Variants in DSCAM observed in about 807,000 individuals in gnomAD.
DSCAM encodes the protein DS cell adhesion molecule, also known as cell adhesion molecule DSCAM.
DSCAM carries 47 observed loss-of-function variants against 217.7 expected under a neutral mutation model. The ratio of observed to expected loss-of-function variants is 0.22; its 90% CI spans 0.17 to 0.28. The LOEUF (loss-of-function observed/expected upper bound fraction) is 0.28. Ranked by LOEUF, DSCAM falls within the 10% of genes least tolerant of loss-of-function variation. The pLI is 1.00. For missense variants in DSCAM, 2,080 were observed against 2,618.3 expected, an observed-to-expected ratio of 0.79 and a Z score of 4.49; for synonymous variants, 1,056 against 1,015.3, an observed-to-expected ratio of 1.04 and a Z score of -0.76.
At chr21:40,213,034 G>T (rs2091200857) in intron 11 of DSCAM, among the ~76,000 whole-genome samples, 1 of 152,182 alleles carries the variant, frequency 6.6e-6, no homozygotes, top group Non-Finnish European at 1.5e-5. Flanking sequence ...CAGCCCTGCT[G>T]ACTTCTTGAT....
intron 3 of DSCAM, among the ~76,000 whole-genome samples, chr21:40,371,061 G>A (rs535958890): frequency 1.3e-5 from 2 of 152,048 alleles, no homozygotes; most frequent in Non-Finnish European, 2.9e-5. Context: ...TCAAAGGAGC[G>A]CAAATTAATT....
chr21:40,421,365 G>T (rs1490972195), intron 3 of DSCAM, among the ~76,000 whole-genome samples: 1 of 152,224 alleles, frequency 6.6e-6, no homozygotes, highest in African/African-American at 2.4e-5. Flanking sequence ...CTGACCTTCG[G>T]TAAGCATAGT....
At chr21:40,122,229 G>A (rs114352850) in intron 20 of DSCAM, among the ~76,000 whole-genome samples, 131 of 152,254 alleles carry the variant, frequency 8.6e-4, no homozygotes, top group African/African-American at 2.6e-3. Flanking sequence ...ACAAATAGGG[G>A]CTTTCTCAGT....
chr21:40,151,313 T>C (rs942889737), intron 16 of DSCAM, among the ~76,000 whole-genome samples: 1 of 152,254 alleles, frequency 6.6e-6, no homozygotes, highest in Admixed American at 6.5e-5. Flanking sequence ...ACCAGGGCTC[T>C]TCCCTAGACC....
chr21:40,821,418 C>T (rs574959433), intron 1 of DSCAM, among the ~76,000 whole-genome samples: 23 of 150,854 alleles, frequency 1.5e-4, no homozygotes, highest in African/African-American at 5.4e-4. Flanking sequence ...CACACACACA[C>T]CCCACAGCAG....
chr21:40,434,233 C>T (rs912936739), intron 3 of DSCAM, among the ~76,000 whole-genome samples: 3 of 152,168 alleles, frequency 2.0e-5, no homozygotes, highest in African/African-American at 4.8e-5. Context: ...GGACAGGATA[C>T]GTTTAACCCT....
intron 8 of DSCAM, among the ~76,000 whole-genome samples, chr21:40,313,236 A>G (rs531616358): frequency 9.8e-5 from 15 of 152,302 alleles, no homozygotes; most frequent in Admixed American, 5.9e-4. Context: ...GAATAACTAC[A>G]TCTTTACTTT....
chr21:40,720,100 G>A (rs1173436921), intron 1 of DSCAM, among the ~76,000 whole-genome samples: 1 of 152,180 alleles, frequency 6.6e-6, no homozygotes, highest in Non-Finnish European at 1.5e-5. Context: ...CAGAAAACAT[G>A]AGAACTAAAA....
At position 40,740,727 on chromosome 21, in the gene DSCAM, GAGGAGGACTC is replaced by G. The variant is rs144035224; in HGVS notation, c.44-31966_44-31957del. 3.2e-3 allele frequency among the ~76,000 whole-genome samples: 483 copies of G among 152,304 alleles called. 3 individuals carry two copies. Among genetic ancestry groups the G allele is most frequent in the African/African-American group, 0.011 (469 of 41,568 alleles). ...GAGGTGGTAGACACACTGGGGCTGA[GAGGAGGACTC>G]AGAAGGACAGGGAGGATGGCAAGTG... On this transcript the variant is annotated intron_variant, in intron 1 of 32. Coordinates refer to ENST00000400454, the MANE Select transcript of DSCAM (RefSeq NM_001389.5).
At chr21:40,388,724 A>G (rs1159136309) in intron 3 of DSCAM, among the ~76,000 whole-genome samples, 4 of 152,202 alleles carry the variant, frequency 2.6e-5, no homozygotes, top group African/African-American at 9.7e-5. Flanking sequence ...CACATTCTGG[A>G]AAGTGTGTTC....
At position 40,101,481 on chromosome 21, in the gene DSCAM, C is replaced by T. The variant is rs554242267; in HGVS notation, c.3697-7607G>A. On this transcript the variant is annotated intron_variant, in intron 20 of 32. Coordinates refer to ENST00000400454, the MANE Select transcript of DSCAM (RefSeq NM_001389.5). ...GTTTTTTTTTTCACAGATGGATGGA[C>T]GTGGTAGGATGGGATGGTCTTGGGA... 3.3e-5 allele frequency among the ~76,000 whole-genome samples: 5 copies of T among 151,788 alleles called. No homozygotes were observed. The East Asian group carries it at 5.8e-4, about 18-fold the overall frequency.
At chr21:40,522,601 C>T (rs981838275) in intron 3 of DSCAM, among the ~76,000 whole-genome samples, 1 of 152,122 alleles carries the variant, frequency 6.6e-6, no homozygotes, top group Admixed American at 6.5e-5. Context: ...GTTCATGAAT[C>T]CTTGCTGATG....
intron 1 of DSCAM, among the ~76,000 whole-genome samples, chr21:40,837,095 G>C (rs1239361820): frequency 1.3e-5 from 2 of 152,238 alleles, no homozygotes; most frequent in Admixed American, 1.3e-4. Flanking sequence ...TGTTCAGCTT[G>C]AAGTGTCAAC....
intron 1 of DSCAM, among the ~76,000 whole-genome samples, chr21:40,792,081 G>T (rs542820952): frequency 6.6e-6 from 1 of 150,588 alleles, no homozygotes; most frequent in African/African-American, 2.5e-5. Flanking sequence ...TCCTCCGCAC[G>T]TCTTCACATG....
chr21:40,131,528 T>C (rs1295773475), intron 19 of DSCAM, among the ~76,000 whole-genome samples: 1 of 152,102 alleles, frequency 6.6e-6, no homozygotes, highest in Non-Finnish European at 1.5e-5. Flanking sequence ...TGGGTTCAAG[T>C]GATTCTCCTG....
intron 3 of DSCAM, among the ~76,000 whole-genome samples, chr21:40,396,286 A>G (rs184304575): frequency 6.9e-4 from 105 of 152,338 alleles, no homozygotes; most frequent in Non-Finnish European, 1.3e-3. Context: ...ATTGTCAACC[A>G]TAACGGGTAC....
intron 11 of DSCAM, among the ~76,000 whole-genome samples, chr21:40,246,739 T>A (rs1259021281): frequency 1.4e-4 from 22 of 152,182 alleles, no homozygotes; most frequent in Non-Finnish European, 1.5e-5. Flanking sequence ...CTCAGCTTTT[T>A]AATTTCCTGC....
Position 40,016,084 on chromosome 21 carries a change from T to C in DSCAM, c.5687-2698A>G, listed in dbSNP as rs992311517. ...GTGACATACCAGGTGCAAAACTCTGTCTAGAGAATGGGCTGGTGGTGTGTG... is the reference window on the plus strand; with the variant it reads ...GTGACATACCAGGTGCAAAACTCTGCCTAGAGAATGGGCTGGTGGTGTGTG... On this transcript the variant is annotated intron_variant, in intron 32 of 32. Transcript: ENST00000400454. The surrounding 1 kb of genome is among the most constrained non-coding windows in gnomAD (Gnocchi z 4.3). 6.6e-6 allele frequency among the ~76,000 whole-genome samples: 1 copy of C among 152,132 alleles called. No homozygotes were observed. The highest frequency in any genetic ancestry group is 2.4e-5 in the African/African-American group (1 of 41,428).
chr21:40,080,830 C>A (rs2089444872), intron 24 of DSCAM, among the ~76,000 whole-genome samples: 1 of 152,174 alleles, frequency 6.6e-6, no homozygotes. Context: ...AGAAACAGCT[C>A]CAAGTCTTGC....
Sources: gnomAD v4.1 joint callset for allele counts (sites outside exome capture counted in the v4.1 genomes callset) on GRCh38, gnomAD v4.1.1 for gene constraint, Gnocchi (gnomAD v3.1) non-coding constraint, MANE v1.5 for transcripts, NCBI Gene and HGNC (gene_info 2026-07-23, HGNC 2026-07-21) for gene names.